ABCA12: variants seen among roughly 807,000 people sequenced by gnomAD.
The protein encoded by ABCA12 is glucosylceramide transporter ABCA12.
Under a neutral mutation model 293.5 loss-of-function variants are expected in ABCA12, and 156 were observed. The ratio of observed to expected loss-of-function variants is 0.53; its 90% CI spans 0.47 to 0.61. The LOEUF (loss-of-function observed/expected upper bound fraction) is 0.61, where lower values mean the gene tolerates loss of function less well. Ranked by LOEUF, ABCA12 falls within the 20% of genes least tolerant of loss-of-function variation. The probability of loss-of-function intolerance (pLI) is 0.00; values close to 1 mark genes in which losing one functional copy is unlikely to be tolerated. For synonymous variants in ABCA12, 1,063 were observed against 1,108.0 expected (o/e 0.96, Z 0.81); for missense variants, 2,797 against 3,090.2 (o/e 0.91, Z 2.25).
intron 44 of ABCA12, among the ~76,000 whole-genome samples, chr2:214,952,865 T>A (rs564564914): frequency 4.2e-4 from 64 of 152,370 alleles, no homozygotes; most frequent in African/African-American, 1.4e-3. Context: ...TTCTTAAATA[T>A]GCTCTTAATA....
intron 51 of ABCA12, 101 bp from the exon 52 acceptor site, chr2:214,934,316 A>G: frequency 7.7e-7 from 1 of 1,300,110 alleles, no homozygotes; most frequent in Non-Finnish European, 1.1e-6. Flanking sequence ...ACTGAAGTTC[A>G]TTCCACTGAA....
In ABCA12 at chr2:214,956,713, G is replaced by A; in HGVS notation, c.6183C>T (p.Phe2061=). 6.2e-7 allele frequency: 1 copy of A among 1,613,448 alleles called. No homozygotes were observed. The highest frequency in any genetic ancestry group is 8.5e-7 in the Non-Finnish European group (1 of 1,179,778). The change falls in exon 42 of 53, where the codon TTC becomes TTT. Residue 2061 remains phenylalanine (F), a synonymous_variant. Coordinates refer to ENST00000272895, the MANE Select transcript of ABCA12 (RefSeq NM_173076.3). Reference sequence around the variant, plus strand: ...CAGCGCCTAGGTTGTTTTCACTGTAGAATGCAGGTAATTTGAAAATCGCAA... The same window carrying A: ...CAGCGCCTAGGTTGTTTTCACTGTAAAATGCAGGTAATTTGAAAATCGCAA... ...GIIAIFKLPA[F]YSENNLGAVS...
In ABCA12 at chr2:214,982,174, A is replaced by C. The variant is rs1472582549; in HGVS notation, c.4579+13T>G. 2 of 1,613,126 alleles carry C rather than the reference A, an allele frequency of 1.2e-6. No individual in the cohort carries two copies. The highest frequency in any genetic ancestry group is 2.2e-5 in the East Asian group (1 of 44,854). ...GACTGTTGGGTGGAGAAGTTCTGAG[A>C]AACTACTCATACCAGTTTTGTTCTT... is the stretch of plus-strand genomic sequence containing the variant. On this transcript the variant is annotated intron_variant, in intron 30 of 52. Transcript: ENST00000272895.
At chr2:215,108,513 C>T (rs1231041367) in intron 2 of ABCA12, among the ~76,000 whole-genome samples, 2 of 152,066 alleles carry the variant, frequency 1.3e-5, no homozygotes, top group Non-Finnish European at 2.9e-5. Flanking sequence ...ATTAACGGTA[C>T]CATCTTGGTC....
rs1700129484 is a variant in ABCA12 at position 215,000,910 on chromosome 2, C to T, written c.2974G>A (p.Ala992Thr). The T allele has an allele frequency of 5.0e-6, 8 of 1,614,034 alleles. No homozygotes were observed. Among genetic ancestry groups the T allele is most frequent in the Non-Finnish European group, 5.9e-6 (7 of 1,179,968 alleles). ...GTTCTTAGGCTTCTTGTGGTCTGTG[C>T]GGTCTTGAGACTCATCCGGATGGTA... ...KYTIRMSLKT[A>T]QTTRSLRTKI... Residue 992 changes from alanine (A) to threonine (T), a missense_variant, in exon 22 of 53, where the codon GCA (alanine) becomes ACA (threonine). Around this residue, in one of 3 missense-constraint regions of ABCA12, gnomAD observed 2,130 missense variants for 2,427.0 expected, o/e 0.88. Coordinates refer to ENST00000272895, the MANE Select transcript of ABCA12 (RefSeq NM_173076.3).
chr2:214,985,737 G>A (rs548159609), intron 28 of ABCA12, among the ~76,000 whole-genome samples: 8 of 152,080 alleles, frequency 5.3e-5, no homozygotes, highest in Non-Finnish European at 8.8e-5. Flanking sequence ...GAGCTGATTC[G>A]TGATGATACT....
intron 36 of ABCA12, among the ~76,000 whole-genome samples, chr2:214,973,400 C>T (rs1055007308): frequency 1.3e-5 from 2 of 152,128 alleles, no homozygotes; most frequent in African/African-American, 4.8e-5. Flanking sequence ...GAATGTGGTT[C>T]TCGTACAAGT....
At chr2:214,948,798 A>C in intron 46 of ABCA12, 61 bp from the exon 47 acceptor site, 1 of 1,605,790 alleles carries the variant, frequency 6.2e-7, no homozygotes, top group South Asian at 1.1e-5. Flanking sequence ...CCTGGTTCCC[A>C]AATGCTGGGA....
intron 1 of ABCA12, among the ~76,000 whole-genome samples, chr2:215,137,537 G>C (rs1171123650): frequency 6.6e-6 from 1 of 152,194 alleles, no homozygotes; most frequent in African/African-American, 2.4e-5. Context: ...ATGAGCAAGA[G>C]AAGATAGATT....
intron 15 of ABCA12, 136 bp from the exon 16 acceptor site, chr2:215,012,271 A>T: frequency 1.3e-6 from 1 of 749,996 alleles, no homozygotes; most frequent in Non-Finnish European, 2.2e-6. Context: ...ATGTAAATTT[A>T]ACACTCAACC....
rs1315737260 is a variant in ABCA12, at chr2:215,049,768, A to G, written c.551T>C (p.Leu184Pro). Residue 184 changes from leucine (L) to proline (P), a missense_variant, in exon 6 of 53, where the codon CTA becomes CCA. Leu to Pro is a moderately conservative substitution (Grantham distance 98). Around this residue, in one of 3 missense-constraint regions of ABCA12, gnomAD observed 656 missense variants for 638.2 expected, o/e 1.03. Coordinates refer to ENST00000272895, the MANE Select transcript of ABCA12 (RefSeq NM_173076.3). ...AATGTATCCTGAATAGCTGTCACAT[A>G]GTTCTCTTCGTATATCTTCTGAAGT... The part of the protein sequence containing the change: ...NSTSEDIRRE[L>P]CDSYSGYIVD... 2.5e-6 allele frequency: 4 copies of G among 1,613,496 alleles called. No individual in the cohort carries two copies. The highest frequency in any genetic ancestry group is 1.7e-5 in the Admixed American group (1 of 59,954).
chr2:215,090,209 T>C (rs955539994), intron 2 of ABCA12, among the ~76,000 whole-genome samples: 1 of 152,176 alleles, frequency 6.6e-6, no homozygotes, highest in Non-Finnish European at 1.5e-5. Flanking sequence ...TTGCTGACTC[T>C]CTTTTCGGAA....
At chr2:215,105,756 G>T (rs1702452403) in intron 2 of ABCA12, among the ~76,000 whole-genome samples, 1 of 152,084 alleles carries the variant, frequency 6.6e-6, no homozygotes, top group Non-Finnish European at 1.5e-5. Flanking sequence ...ATTCTGACTT[G>T]CATGCCAGCG....
rs1699866658 is a variant in ABCA12 at position 214,989,480 on chromosome 2, A to G, written c.3695-17T>C. The G allele has an allele frequency of 1.2e-6, 2 of 1,613,730 alleles. No homozygotes were observed. The highest frequency in any genetic ancestry group is 1.1e-5 in the South Asian group (1 of 91,066). On this transcript the variant is annotated splice_polypyrimidine_tract_variant and intron_variant, in intron 25 of 52. Transcript: ENST00000272895. ...ACTGAAGACCTAAAAAGTGAACACAAGTGTTTATTCTTCTGTGACACACAG... is the reference window on the plus strand; with the variant it reads ...ACTGAAGACCTAAAAAGTGAACACAGGTGTTTATTCTTCTGTGACACACAG...
intron 2 of ABCA12, among the ~76,000 whole-genome samples, chr2:215,095,327 A>G (rs542624144): frequency 3.5e-4 from 53 of 152,288 alleles, no homozygotes; most frequent in Non-Finnish European, 5.9e-4. Flanking sequence ...GGTCCTCCCA[A>G]TTCTTAGTCC....
At chr2:214,943,881 A>G (rs913471641) in intron 49 of ABCA12, among the ~76,000 whole-genome samples, 7 of 152,270 alleles carry the variant, frequency 4.6e-5, no homozygotes, top group Non-Finnish European at 5.9e-5. Flanking sequence ...ACTATGATAT[A>G]AACAAGTCTC....
chr2:214,984,331 C>T (rs1397185990), intron 28 of ABCA12, among the ~76,000 whole-genome samples: 1 of 152,104 alleles, frequency 6.6e-6, no homozygotes, highest in Non-Finnish European at 1.5e-5. Flanking sequence ...CTCCTGACCT[C>T]GTGATCCACA....
chr2:215,111,073 A>G (rs1047600113), intron 2 of ABCA12, among the ~76,000 whole-genome samples: 1 of 152,264 alleles, frequency 6.6e-6, no homozygotes, highest in African/African-American at 2.4e-5. Flanking sequence ...CCATTTTACA[A>G]CTTGACAATT....
At chr2:215,077,912 A>T (rs1259868536) in intron 2 of ABCA12, among the ~76,000 whole-genome samples, 3 of 152,178 alleles carry the variant, frequency 2.0e-5, no homozygotes, top group Non-Finnish European at 1.5e-5. Flanking sequence ...TTATGGGAAG[A>T]TCACACACAA....
Sources: gnomAD v4.1 joint callset for allele counts (sites outside exome capture counted in the v4.1 genomes callset) on GRCh38, gnomAD v4.1.1 for gene constraint, gnomAD v4.1.1 regional missense constraint, MANE v1.5 for transcripts, NCBI Gene and HGNC (gene_info 2026-07-23, HGNC 2026-07-21) for gene names.